The following CWC22 variants were observed in gnomAD, a reference collection of about 807,000 sequenced individuals.
CWC22 encodes the protein CWC22 spliceosome associated protein, also known as pre-mRNA-splicing factor CWC22 homolog.
Under a neutral mutation model 117.2 loss-of-function variants are expected in CWC22, and 53 were observed. That is an observed-to-expected ratio of 0.45 (90% CI 0.36 to 0.57). CWC22 has a LOEUF of 0.57. Ranked by LOEUF, CWC22 falls within the 20% of genes least tolerant of loss-of-function variation. The pLI, the probability that CWC22 is intolerant of heterozygous loss-of-function variation, is 0.00. For missense variants in CWC22, 980 were observed against 1,068.8 expected (o/e 0.92, Z 1.16); for synonymous variants, 360 against 355.6 (o/e 1.01, Z -0.14).
At chr2:179,998,631 T>C (rs1687768771) in intron 1 of CWC22, among the ~76,000 whole-genome samples, 1 of 152,130 alleles carries the variant, frequency 6.6e-6, no homozygotes, top group Non-Finnish European at 1.5e-5. Flanking sequence ...TACAGAAAAT[T>C]ATCCTAGCCT....
At chr2:179,949,998 G>A (rs920674483) in intron 19 of CWC22, among the ~76,000 whole-genome samples, 2 of 152,234 alleles carry the variant, frequency 1.3e-5, no homozygotes, top group East Asian at 1.9e-4. Flanking sequence ...CCATGAGGAT[G>A]GAAGGAGTAG....
chr2:179,969,092 A>G, intron 11 of CWC22, among the ~76,000 whole-genome samples: 1 of 152,188 alleles, frequency 6.6e-6, no homozygotes, highest in East Asian at 1.9e-4. Flanking sequence ...TGCTATAATA[A>G]AAGAAAGTAC....
rs1686875565 is a variant in CWC22 at position 179,965,873 on chromosome 2, T to A, written c.1315+5A>T. ...TAATATTATTTGAATATGCTACATG[T>A]TTACCTTCTTCATCTTCTTCTCCCT... is the stretch of plus-strand genomic sequence containing the variant. On this transcript the variant is annotated splice_donor_5th_base_variant and intron_variant, in intron 12 of 19. Coordinates refer to ENST00000410053, the MANE Select transcript of CWC22 (RefSeq NM_020943.3). The A allele has an allele frequency of 6.9e-7, 1 of 1,454,520 alleles. No individual in the cohort carries two copies. Among genetic ancestry groups the A allele is most frequent in the East Asian group, 2.3e-5 (1 of 44,100 alleles). The allele number at this position is 1,454,520 out of a possible 1,614,324, so 90.1% of individuals were successfully genotyped here.
intron 5 of CWC22, among the ~76,000 whole-genome samples, chr2:179,981,022 T>C (rs1038085585): frequency 5.9e-5 from 9 of 152,214 alleles, no homozygotes; most frequent in African/African-American, 1.4e-4. Flanking sequence ...TTAAGTGTGA[T>C]TGTTCATATA....
At chr2:179,985,926 A>G (rs1687408387) in intron 4 of CWC22, among the ~76,000 whole-genome samples, 1 of 152,070 alleles carries the variant, frequency 6.6e-6, no homozygotes, top group Non-Finnish European at 1.5e-5. Flanking sequence ...CTCACTGTAA[A>G]AACTATTACT....
intron 14 of CWC22, among the ~76,000 whole-genome samples, chr2:179,956,767 C>T (rs980055247): frequency 1.5e-4 from 22 of 150,578 alleles, no homozygotes; most frequent in African/African-American, 5.1e-4. Flanking sequence ...ACTTCATATA[C>T]GAAAATTCAC....
chr2:179,957,495 A>G (rs1476730381), intron 14 of CWC22, among the ~76,000 whole-genome samples: 1 of 152,204 alleles, frequency 6.6e-6, no homozygotes, highest in African/African-American at 2.4e-5. Context: ...GCCCATTGAC[A>G]ATATATCAAT....
chr2:179,981,233 T>C (rs540647027), intron 5 of CWC22, among the ~76,000 whole-genome samples: 24 of 152,346 alleles, frequency 1.6e-4, no homozygotes, highest in African/African-American at 5.8e-4. Context: ...GCCATGCTTA[T>C]AATTTTCTAC....
chr2:179,986,936 G>A, intron 3 of CWC22, 131 bp from the exon 4 acceptor site: 1 of 477,550 alleles, frequency 2.1e-6, no homozygotes, highest in African/African-American at 2.0e-5. Context: ...GTTCTTAACA[G>A]CTCATTTTGC....
At chr2:179,971,942 A>C (rs1033268471) in intron 8 of CWC22, among the ~76,000 whole-genome samples, 3 of 152,214 alleles carry the variant, frequency 2.0e-5, no homozygotes, top group Non-Finnish European at 4.4e-5. Flanking sequence ...AGTGACAAGA[A>C]AATACTGCCC....
chr2:179,998,450 T>C (rs1340742833), intron 1 of CWC22, among the ~76,000 whole-genome samples: 1 of 152,068 alleles, frequency 6.6e-6, no homozygotes, highest in African/African-American at 2.4e-5. Context: ...TACAGAGAAT[T>C]CAAGCAATTT....
chr2:179,987,720 AT>A (rs937684236), intron 3 of CWC22, among the ~76,000 whole-genome samples: 2 of 152,006 alleles, frequency 1.3e-5, no homozygotes, highest in Non-Finnish European at 1.5e-5. Context: ...GGCATAAAAA[AT>A]TTTTTTTACA....
intron 11 of CWC22, among the ~76,000 whole-genome samples, chr2:179,970,105 A>G (rs1297288594): frequency 6.6e-6 from 1 of 152,172 alleles, no homozygotes; most frequent in Admixed American, 6.5e-5. Context: ...AAGGATATTA[A>G]CCTGACCTCA....
At chr2:179,948,373 CA>C (rs1686361385) in intron 19 of CWC22, among the ~76,000 whole-genome samples, 1 of 133,348 alleles carries the variant, frequency 7.5e-6, no homozygotes. Flanking sequence ...AGAAAACAGA[CA>C]AATAAAAAAT....
In CWC22 at chr2:179,971,029, T is replaced by C. The variant is rs1397392519; in HGVS notation, c.852A>G (p.Arg284=). The change falls in exon 9 of 20, where the codon AGA becomes AGG. Residue 284 remains arginine, a synonymous_variant. Coordinates refer to ENST00000410053, the MANE Select transcript of CWC22 (RefSeq NM_020943.3). ...CLEMLTLLLE[R]PTDDSVEVAI... is the part of the protein sequence containing the mutation. ...CTACTTCAACGCTATCATCTGTTGG[T>C]CTTTCCAGGAGCAAAGTGAGCATCT... 1.2e-6 allele frequency: 2 copies of C among 1,609,778 alleles called. No homozygotes were observed. The highest frequency in any genetic ancestry group is 3.4e-5 in the Admixed American group (2 of 59,686).
chr2:179,985,378 T>C (rs1687392418), intron 4 of CWC22, among the ~76,000 whole-genome samples: 1 of 152,068 alleles, frequency 6.6e-6, no homozygotes, highest in Admixed American at 6.5e-5. Context: ...TTAACATCTC[T>C]TCCCTATATT....
At chr2:179,982,103 G>C (rs1397424230) in intron 4 of CWC22, 106 bp from the exon 5 acceptor site, 2 of 654,536 alleles carry the variant, frequency 3.1e-6, no homozygotes, top group Non-Finnish European at 5.3e-6. Context: ...CACAAATTCA[G>C]ACTAGGAAAA....
Position 179,950,935 on chromosome 2 carries a change from G to GA in CWC22, c.1818-10dup, listed in dbSNP as rs757457822. On this transcript the variant is annotated splice_polypyrimidine_tract_variant and intron_variant, in intron 17 of 19. Coordinates refer to ENST00000410053, the MANE Select transcript of CWC22 (RefSeq NM_020943.3). ...AGAATGGCTGCAGAGTTCTAAAAAG[G>GA]AAAAAAATAAACAAAAGAGAACACA... 4 of 1,495,102 alleles carry GA rather than the reference G, an allele frequency of 2.7e-6. No individual in the cohort carries two copies. The highest frequency in any genetic ancestry group is 2.8e-5 in the African/African-American group (2 of 70,856). The allele number at this position is 1,495,102 out of a possible 1,614,324, so 92.6% of individuals were successfully genotyped here.
In CWC22 at chr2:179,959,051, G is replaced by C; in HGVS notation, c.1429C>G (p.Leu477Val). ...TGGCTTTCAGGAAACTCCATTTTCA[G>C]CAATTTGTGAGCACATTCTTCAAAA... ...LDFEECAHKLLKMEFPESQTK... is the reference protein window; with the variant it reads ...LDFEECAHKLVKMEFPESQTK... Residue 477 changes from leucine (L) to valine (V), a missense_variant, in exon 14 of 20, where the codon CTG (leucine) becomes GTG (valine). Around this residue, in one of 3 missense-constraint regions of CWC22, gnomAD observed 559 missense variants for 602.3 expected, o/e 0.93. Transcript: ENST00000410053. 6.4e-7 allele frequency: 1 copy of C among 1,572,014 alleles called. No individual in the cohort carries two copies. Among genetic ancestry groups the C allele is most frequent in the African/African-American group, 1.3e-5 (1 of 74,088 alleles).
Sources: allele counts gnomAD v4.1 joint callset (sites outside exome capture counted in the v4.1 genomes callset), GRCh38; gene constraint gnomAD v4.1.1; regional missense constraint gnomAD v4.1.1; transcripts MANE v1.5; gene names NCBI Gene and HGNC (gene_info 2026-07-23, HGNC 2026-07-21).